The following USP34 variants were observed in gnomAD, a reference collection of about 807,000 sequenced individuals.
USP34 encodes ubiquitin carboxyl-terminal hydrolase 34.
USP34 carries 70 observed loss-of-function variants against 460.3 expected under a neutral mutation model. That is an observed-to-expected ratio of 0.15 (90% CI 0.13 to 0.19). The LOEUF (loss-of-function observed/expected upper bound fraction) is 0.19. USP34 is among the 10% of genes least tolerant of loss of function. USP34 has a pLI of 1.00. For synonymous variants in USP34, 1,647 were observed against 1,405.3 expected (o/e 1.17, Z -3.85); for missense variants, 3,985 against 4,236.2 (o/e 0.94, Z 1.65).
chr2:61,341,185 A>G (rs1691587871), intron 16 of USP34, among the ~76,000 whole-genome samples: 1 of 152,102 alleles, frequency 6.6e-6, no homozygotes, highest in African/African-American at 2.4e-5. Flanking sequence ...TTTCCTTTCT[A>G]CTGATGAGCA....
chr2:61,346,085 T>G (rs1275325791), intron 15 of USP34, among the ~76,000 whole-genome samples: 2 of 152,206 alleles, frequency 1.3e-5, no homozygotes, highest in African/African-American at 4.8e-5. Flanking sequence ...AAAATTTCCC[T>G]TTCTTAATCA....
At chr2:61,326,227 G>A (rs900237761) in intron 20 of USP34, among the ~76,000 whole-genome samples, 5 of 151,922 alleles carry the variant, frequency 3.3e-5, no homozygotes, top group Admixed American at 3.3e-4. Flanking sequence ...GCTGGAAGGG[G>A]GGCAGAGTCT....
chr2:61,441,798 A>G (rs891190451), intron 1 of USP34, among the ~76,000 whole-genome samples: 3 of 106,888 alleles, frequency 2.8e-5, no homozygotes, highest in African/African-American at 1.1e-4. Flanking sequence ...GAGAGACTGC[A>G]TTACAAAAAA....
At chr2:61,271,719 A>C (rs1332507603) in intron 41 of USP34, among the ~76,000 whole-genome samples, 1 of 152,108 alleles carries the variant, frequency 6.6e-6, no homozygotes, top group Non-Finnish European at 1.5e-5. Context: ...AGGAGGAGGA[A>C]GCAGTAGTAG....
intron 2 of USP34, among the ~76,000 whole-genome samples, chr2:61,417,744 C>T (rs201457948): frequency 0.014 from 1,224 of 86,806 alleles, no homozygotes; most frequent in African/African-American, 0.016. Flanking sequence ...TTTTTCTTTT[C>T]TTTTTTTTTT....
intron 1 of USP34, among the ~76,000 whole-genome samples, chr2:61,421,587 G>A (rs1421187786): frequency 6.6e-6 from 1 of 152,098 alleles, no homozygotes; most frequent in Non-Finnish European, 1.5e-5. Context: ...GCATTTTTGA[G>A]GCTTATCAGC....
At chr2:61,253,786 GT>G (rs1282988657) in intron 48 of USP34, among the ~76,000 whole-genome samples, 1 of 151,438 alleles carries the variant, frequency 6.6e-6, no homozygotes, top group Non-Finnish European at 1.5e-5. Flanking sequence ...CCAGGCTGGA[GT>G]GCAGGGGCAT....
At chr2:61,306,206 T>C (rs1690399452) in intron 27 of USP34, among the ~76,000 whole-genome samples, 1 of 152,240 alleles carries the variant, frequency 6.6e-6, no homozygotes, top group Non-Finnish European at 1.5e-5. Context: ...TTTATGGTTT[T>C]AGGTCTTAAG....
At chr2:61,290,861 A>G (rs1689829205) in intron 33 of USP34, among the ~76,000 whole-genome samples, 2 of 152,162 alleles carry the variant, frequency 1.3e-5, no homozygotes, top group Admixed American at 1.3e-4. Context: ...GAAACCTCTT[A>G]ACAGAAAACA....
chr2:61,418,166 G>A (rs1021792761), intron 2 of USP34, among the ~76,000 whole-genome samples: 2 of 150,550 alleles, frequency 1.3e-5, no homozygotes, highest in Non-Finnish European at 3.0e-5. Flanking sequence ...TGCAACCTCC[G>A]CCTCCCAGGT....
intron 10 of USP34, among the ~76,000 whole-genome samples, chr2:61,363,005 C>CA (rs1183950649): frequency 1.3e-5 from 2 of 152,038 alleles, no homozygotes; most frequent in Non-Finnish European, 2.9e-5. Flanking sequence ...TTGTAAAACT[C>CA]AAAAGAAAAC....
chr2:61,310,630 G>C (rs1192813551), intron 27 of USP34, among the ~76,000 whole-genome samples: 1 of 149,754 alleles, frequency 6.7e-6, no homozygotes, highest in Non-Finnish European at 1.5e-5. Context: ...TTAAATATCA[G>C]ATATATACCT....
At chr2:61,291,940 A>T (rs1689865667) in intron 33 of USP34, among the ~76,000 whole-genome samples, 2 of 152,204 alleles carry the variant, frequency 1.3e-5, no homozygotes, top group African/African-American at 4.8e-5. Context: ...AAATAGGCTA[A>T]GTGAAAGAAA....
At chr2:61,428,763 G>C (rs1409185023) in intron 1 of USP34, among the ~76,000 whole-genome samples, 3 of 152,050 alleles carry the variant, frequency 2.0e-5, no homozygotes, top group Non-Finnish European at 4.4e-5. Context: ...AACAGACTTA[G>C]GAAAAAAATT....
At chr2:61,247,057 T>C (rs1688435067) in intron 49 of USP34, among the ~76,000 whole-genome samples, 1 of 152,042 alleles carries the variant, frequency 6.6e-6, no homozygotes, top group South Asian at 2.1e-4. Context: ...ACACTACGTA[T>C]TAAGAGATTT....
chr2:61,262,116 A>AATAT (rs70963406), intron 43 of USP34, among the ~76,000 whole-genome samples: 814 of 47,106 alleles, frequency 0.017, 17 homozygotes, highest in Middle Eastern at 0.029. Flanking sequence ...AAAAAAAAAA[A>AATAT]ATATATATAT....
chr2:61,378,408 A>C lies in USP34; in HGVS notation c.1031T>G (p.Phe344Cys), dbSNP rs375745688. The C allele has an allele frequency of 1.9e-5, 31 of 1,594,384 alleles. No homozygotes were observed. Among genetic ancestry groups the C allele is most frequent in the Non-Finnish European group, 2.6e-5 (30 of 1,174,042 alleles). Reference sequence around the variant, plus strand: ...TGATTCATTATTGCACACATCATTGAAGGTATGGAGTTGATTCTATGATTA... The same window carrying C: ...TGATTCATTATTGCACACATCATTGCAGGTATGGAGTTGATTCTATGATTA... Reference protein sequence around the residue: ...LSQITNQLHTFNDVCNNESLV... With the variant: ...LSQITNQLHTCNDVCNNESLV... The change falls in exon 8 of 80, where the codon TTC (phenylalanine) becomes TGC (cysteine). Residue 344 changes from phenylalanine to cysteine, a missense_variant. Around this residue, in one of 14 missense-constraint regions of USP34, gnomAD observed 716 missense variants for 626.2 expected, o/e 1.14. Transcript: ENST00000398571.
At position 61,295,258 on chromosome 2, in the gene USP34, G is replaced by A. The variant is rs1558514742; in HGVS notation, c.4287C>T (p.Leu1429=). ...SNDGFNWKEL[L]KIKSAHKLLY... is the part of the protein sequence containing the mutation. The stretch of plus-strand genomic sequence containing the variant: ...ATAGCTTGTGGGCGCTCTTAATTTT[G>A]AGAAGTTCTTTCCAATTAAATCCAT... The change falls in exon 31 of 80, where the codon CTC becomes CTT. Residue 1429 remains leucine, a synonymous_variant. Coordinates refer to ENST00000398571, the MANE Select transcript of USP34 (RefSeq NM_014709.4). 2 of 1,606,980 alleles carry A rather than the reference G, an allele frequency of 1.2e-6. No individual in the cohort carries two copies. Among genetic ancestry groups the A allele is most frequent in the Non-Finnish European group, 1.7e-6 (2 of 1,177,338 alleles).
At chr2:61,269,291 G>T (rs955411887) in intron 41 of USP34, among the ~76,000 whole-genome samples, 1 of 150,472 alleles carries the variant, frequency 6.6e-6, no homozygotes, top group Non-Finnish European at 1.5e-5. Flanking sequence ...CTCCTGCGTA[G>T]CTTGGACTAT....
Sources: gnomAD v4.1 joint callset for allele counts (sites outside exome capture counted in the v4.1 genomes callset) on GRCh38, gnomAD v4.1.1 for gene constraint, gnomAD v4.1.1 regional missense constraint, MANE v1.5 for transcripts, NCBI Gene and HGNC (gene_info 2026-07-23, HGNC 2026-07-21) for gene names.